Variants in NEDD4L observed in about 807,000 individuals in gnomAD.
The protein encoded by NEDD4L is E3 ubiquitin-protein ligase NEDD4-like.
A neutral mutation model predicts 148.9 loss-of-function variants in NEDD4L; 54 were observed. The observed-to-expected ratio is 0.36, with a 90% CI of 0.29 to 0.45. The LOEUF (loss-of-function observed/expected upper bound fraction) is 0.45. Ranked by LOEUF, NEDD4L falls within the 20% of genes least tolerant of loss-of-function variation. NEDD4L has a pLI of 1.00. For synonymous variants in NEDD4L, 433 were observed against 440.7 expected, an observed-to-expected ratio of 0.98 and a Z score of 0.22; for missense variants, 856 against 1,233.8, an observed-to-expected ratio of 0.69 and a Z score of 4.59.
chr18:58,233,503 T>C (rs2045514256), intron 2 of NEDD4L, among the ~76,000 whole-genome samples: 1 of 152,200 alleles, frequency 6.6e-6, no homozygotes, highest in Admixed American at 6.5e-5. Context: ...TGGGGAAAAC[T>C]GTCCCCATGA....
intron 2 of NEDD4L, among the ~76,000 whole-genome samples, chr18:58,197,239 A>T (rs2040820782): frequency 2.0e-5 from 3 of 152,140 alleles, no homozygotes; most frequent in African/African-American, 7.2e-5. Context: ...GAGATGGAAA[A>T]TTGGCAAGAC....
At chr18:58,098,517 TC>T (rs964617822) in intron 1 of NEDD4L, among the ~76,000 whole-genome samples, 3 of 152,194 alleles carry the variant, frequency 2.0e-5, no homozygotes, top group African/African-American at 7.2e-5. Context: ...TGGGTTTGAA[TC>T]CTTGCTTGGC....
intron 9 of NEDD4L, among the ~76,000 whole-genome samples, chr18:58,328,175 G>C (rs1022581082): frequency 6.6e-6 from 1 of 152,096 alleles, no homozygotes; most frequent in Non-Finnish European, 1.5e-5. Flanking sequence ...ATGTTGGCCA[G>C]GTACGTCTTG....
At chr18:58,239,870 A>G (rs116240198) in intron 2 of NEDD4L, among the ~76,000 whole-genome samples, 1 of 152,196 alleles carries the variant, frequency 6.6e-6, no homozygotes, top group Non-Finnish European at 1.5e-5. Context: ...CTCTATTAGA[A>G]CTGGAGCAGA....
chr18:58,320,846 A>C (rs1432662910), intron 6 of NEDD4L, among the ~76,000 whole-genome samples: 1 of 152,214 alleles, frequency 6.6e-6, no homozygotes, highest in East Asian at 1.9e-4. Flanking sequence ...TTAATAAATG[A>C]AAAAAGGAAG....
At chr18:58,328,027 A>G (rs1357950716) in intron 9 of NEDD4L, among the ~76,000 whole-genome samples, 2 of 151,092 alleles carry the variant, frequency 1.3e-5, no homozygotes, top group Admixed American at 1.3e-4. Context: ...CAGTGACATG[A>G]TCTCTCAGCT....
At chr18:58,046,867 C>G (rs995683010) in intron 1 of NEDD4L, 1 of 152,216 alleles carries the variant, frequency 6.6e-6, no homozygotes, top group Non-Finnish European at 1.5e-5. Flanking sequence ...CAAGATGAGT[C>G]TCAGCCGTCT....
intron 5 of NEDD4L, among the ~76,000 whole-genome samples, chr18:58,312,122 A>G (rs1270305197): frequency 6.6e-6 from 1 of 152,178 alleles, no homozygotes; most frequent in East Asian, 1.9e-4. Context: ...TTTTTGTTTC[A>G]CCTGATAGGA....
At chr18:58,083,715 A>T (rs1157939386) in intron 1 of NEDD4L, among the ~76,000 whole-genome samples, 6 of 152,060 alleles carry the variant, frequency 3.9e-5, no homozygotes, top group African/African-American at 7.2e-5. Flanking sequence ...AAACAACAAC[A>T]ACAGAAAAAA....
chr18:58,200,393 AT>A (rs60612996), intron 2 of NEDD4L, among the ~76,000 whole-genome samples: 58,089 of 151,998 alleles, frequency 0.38, 13,148 homozygotes, highest in African/African-American at 0.63. Flanking sequence ...GACTTGTCCC[AT>A]TTTTTTGCTG....
chr18:58,083,969 G>GGAT (rs1358323049), intron 1 of NEDD4L, among the ~76,000 whole-genome samples: 1 of 152,210 alleles, frequency 6.6e-6, no homozygotes, highest in Admixed American at 6.5e-5. Context: ...GACCTCAGGT[G>GGAT]ATCCACCTGC....
chr18:58,161,441 T>C lies in NEDD4L; in HGVS notation c.49-4347T>C, dbSNP rs959032182. Among the ~76,000 whole-genome samples the C allele has an allele frequency of 2.0e-5, 3 of 150,948 alleles. No individual in the cohort carries two copies. In the East Asian group the frequency reaches 5.8e-4, roughly 29 times the overall value. On this transcript the variant is annotated intron_variant, in intron 1 of 30. Transcript: ENST00000400345. ...TCCGTGTTTTTTTCTTTTTCTTTTT[T>C]TTTTTTTTTTTAACAAAAGTCTGGT...
At chr18:58,112,000 T>C (rs969109808) in intron 1 of NEDD4L, among the ~76,000 whole-genome samples, 1 of 152,210 alleles carries the variant, frequency 6.6e-6, no homozygotes, top group African/African-American at 2.4e-5. Flanking sequence ...TTGTTTTATG[T>C]CATTTAACAC....
chr18:58,206,791 G>T (rs2042027322), intron 2 of NEDD4L, among the ~76,000 whole-genome samples: 1 of 152,210 alleles, frequency 6.6e-6, no homozygotes. Context: ...GAGGCATGGT[G>T]GTCTCCTGTT....
chr18:58,140,030 A>T (rs2033320313), intron 1 of NEDD4L, among the ~76,000 whole-genome samples: 1 of 152,220 alleles, frequency 6.6e-6, no homozygotes, highest in Non-Finnish European at 1.5e-5. Context: ...GGTCAAGAAT[A>T]GAGGCAGGGA....
intron 18 of NEDD4L, among the ~76,000 whole-genome samples, chr18:58,355,209 A>C (rs984465478): frequency 5.3e-5 from 8 of 152,196 alleles, no homozygotes. Context: ...CCCAGAGAAC[A>C]GTTCAGGGAA....
At chr18:58,385,312 CTT>C (rs1257529167) in intron 25 of NEDD4L, among the ~76,000 whole-genome samples, 2 of 152,174 alleles carry the variant, frequency 1.3e-5, no homozygotes, top group Non-Finnish European at 2.9e-5. Context: ...GTTAATTACT[CTT>C]TTGAAATCTC....
intron 2 of NEDD4L, among the ~76,000 whole-genome samples, chr18:58,230,974 G>A (rs1018808615): frequency 1.3e-5 from 2 of 152,092 alleles, no homozygotes; most frequent in East Asian, 1.9e-4. Context: ...AAGTCTGGAC[G>A]TGGTGACTCA....
chr18:58,285,195 T>A (rs73961554), intron 5 of NEDD4L, among the ~76,000 whole-genome samples: 62 of 152,248 alleles, frequency 4.1e-4, no homozygotes, highest in African/African-American at 1.4e-3. Flanking sequence ...ATTGTGTGTG[T>A]GCGCAGAACC....
Sources: allele counts gnomAD v4.1 joint callset (sites outside exome capture counted in the v4.1 genomes callset), GRCh38; gene constraint gnomAD v4.1.1; transcripts MANE v1.5; gene names NCBI Gene and HGNC (gene_info 2026-07-23, HGNC 2026-07-21).